The following EPG5 variants were observed in gnomAD, a reference collection of about 807,000 sequenced individuals.
EPG5 encodes ectopic P-granules 5 autophagy tethering factor, also known as ectopic P granules protein 5 homolog.
A neutral mutation model predicts 302.7 loss-of-function variants in EPG5; 159 were observed. The ratio of observed to expected loss-of-function variants is 0.53; its 90% CI spans 0.46 to 0.60. The LOEUF is 0.60. EPG5 is among the 20% of genes least tolerant of loss of function. EPG5 has a pLI of 0.00. For synonymous variants in EPG5, 1,158 were observed against 1,136.8 expected (o/e 1.02, Z -0.37); for missense variants, 2,896 against 3,092.4 (o/e 0.94, Z 1.51).
the EPG5 span, among the ~76,000 whole-genome samples, chr18:45,836,356 A>G: frequency 1.3e-5 from 2 of 152,148 alleles, no homozygotes; most frequent in South Asian, 4.1e-4. Context: ...TGGAACTACA[A>G]GAGCTGCCGT....
chr18:45,940,250 G>T (rs1371647196), intron 9 of EPG5, among the ~76,000 whole-genome samples: 1 of 152,244 alleles, frequency 6.6e-6, no homozygotes, highest in African/African-American at 2.4e-5. Flanking sequence ...AGGCCAATGT[G>T]CTGAGAGGTA....
At chr18:45,870,844 T>C in intron 35 of EPG5, 102 bp from the exon 36 acceptor site, 5 of 977,902 alleles carry the variant, frequency 5.1e-6, no homozygotes, top group Admixed American at 2.9e-5. Context: ...AAGGTTCTCA[T>C]GATTGACCCA....
chr18:45,954,129 A>C (rs1294047640), intron 2 of EPG5: 1 of 182,686 alleles, frequency 5.5e-6, no homozygotes, highest in Non-Finnish European at 1.0e-5. Flanking sequence ...ACAACCTCAC[A>C]GCAACCATCA....
chr18:45,857,154 G>A (rs951866010), intron 42 of EPG5, among the ~76,000 whole-genome samples: 4 of 151,910 alleles, frequency 2.6e-5, no homozygotes, highest in Non-Finnish European at 4.4e-5. Context: ...CTGTCACCTA[G>A]GCTGGAGTGC....
rs2050935154 is a variant in EPG5, at chr18:45,952,542, G to A, written c.1110C>T (p.Ala370=). 1 of 1,614,100 alleles carries A rather than the reference G, an allele frequency of 6.2e-7. No individual in the cohort carries two copies. Among genetic ancestry groups the A allele is most frequent in the Admixed American group, 1.7e-5 (1 of 60,012 alleles). Reference sequence around the variant, plus strand: ...GGGTCTGGTGGAGGTGCTCAGATTTGGCATCGAATAGCTTCTTTAGCTCCA... The same window carrying A: ...GGGTCTGGTGGAGGTGCTCAGATTTAGCATCGAATAGCTTCTTTAGCTCCA... The part of the protein sequence containing the change: ...ALVELKKLFD[A]KSEHLHQTLA... The change falls in exon 3 of 44, where the codon GCC becomes GCT. Residue 370 remains alanine, a synonymous_variant. Transcript: ENST00000282041.
At chr18:45,863,219 G>A (rs944382908) in intron 39 of EPG5, among the ~76,000 whole-genome samples, 5 of 152,114 alleles carry the variant, frequency 3.3e-5, no homozygotes, top group African/African-American at 1.2e-4. Flanking sequence ...CTTAAAGCTA[G>A]ATGTTTTTGG....
intron 29 of EPG5, among the ~76,000 whole-genome samples, chr18:45,886,618 T>G (rs536558100): frequency 7.9e-5 from 12 of 152,236 alleles, no homozygotes; most frequent in Non-Finnish European, 1.8e-4. Flanking sequence ...AGTTTTCTTC[T>G]TCATACTTTC....
the EPG5 span, among the ~76,000 whole-genome samples, chr18:45,810,553 G>A: frequency 1.6e-4 from 25 of 152,308 alleles, no homozygotes; most frequent in African/African-American, 5.5e-4. Context: ...CCAGCACTTT[G>A]GGAGACCCAG....
In EPG5 at chr18:45,887,964, G is replaced by A. The variant is rs764382819; in HGVS notation, c.4953-57C>T. ...ACAGTAAAAGATTCCATACTCACAA[G>A]GCCTTCTTTGATACCCTACAATTTC... On this transcript the variant is annotated intron_variant, in intron 28 of 43. Transcript: ENST00000282041. The A allele has an allele frequency of 3.2e-4, 421 of 1,308,040 alleles. 4 individuals are homozygous for A. The Middle Eastern group carries it at 0.022, about 68-fold the overall frequency. The allele number at this position is 1,308,040 out of a possible 1,614,324, so 81.0% of individuals were successfully genotyped here. A position where few individuals can be genotyped will look rare whatever the true frequency, so the allele number is the denominator to read the frequency against.
downstream of EPG5, chr18:45,844,101 C>T (rs1385856127): frequency 6.6e-6 from 1 of 151,714 alleles, no homozygotes; most frequent in African/African-American, 2.4e-5. Context: ...AAAATGAAAT[C>T]CTGTCGCTTG....
intron 16 of EPG5, among the ~76,000 whole-genome samples, chr18:45,919,632 C>G (rs1176992828): frequency 6.6e-6 from 1 of 152,054 alleles, no homozygotes; most frequent in East Asian, 1.9e-4. Context: ...CCTGCCTCAG[C>G]CTCCCGAGTA....
chr18:45,967,208 G>C lies in EPG5; in HGVS notation c.32C>G (p.Ala11Gly). The C allele has an allele frequency of 6.2e-7, 1 of 1,605,754 alleles. No individual in the cohort carries two copies. Among genetic ancestry groups the C allele is most frequent in the African/African-American group, 1.3e-5 (1 of 74,836 alleles). Residue 11 changes from alanine (A) to glycine (G), a missense_variant, in exon 1 of 44, where the codon GCC becomes GGC. Coordinates refer to ENST00000282041, the MANE Select transcript of EPG5 (RefSeq NM_020964.3). ...TTTAGTCCGGCTGGCCTTGGCCTTG[G>C]CCCGGCGCTGGGGCTTCACCGCCTC... is the stretch of plus-strand genomic sequence containing the variant. MAEAVKPQRR[A>G]KAKASRTKTK...
intron 29 of EPG5, among the ~76,000 whole-genome samples, chr18:45,885,334 G>T (rs1003468744): frequency 6.6e-6 from 1 of 151,866 alleles, no homozygotes; most frequent in Admixed American, 6.6e-5. Flanking sequence ...GCAAGATGCC[G>T]TCTCAATAAA....
intron 27 of EPG5, among the ~76,000 whole-genome samples, chr18:45,897,900 C>T (rs1267928091): frequency 1.3e-5 from 2 of 152,046 alleles, no homozygotes; most frequent in Non-Finnish European, 2.9e-5. Flanking sequence ...GAAAGACAAA[C>T]AAGAGGGAGT....
chr18:45,869,576 C>T (rs1048461581), intron 36 of EPG5, among the ~76,000 whole-genome samples: 2 of 152,140 alleles, frequency 1.3e-5, no homozygotes, highest in South Asian at 4.1e-4. Context: ...CTTTAAACCA[C>T]CTTTCTCTAG....
In EPG5 at chr18:45,852,651, TAA is replaced by T. The variant is rs1479207656; in HGVS notation, c.7558-4_7558-3del. 1 of 1,613,540 alleles carries T rather than the reference TAA, an allele frequency of 6.2e-7. No homozygotes were observed. The highest frequency in any genetic ancestry group is 8.5e-7 in the Non-Finnish European group (1 of 1,179,722). ...CATGGATTCAAGAGCATTCAGAGCC[TAA>T]AAGACACGGAAGATGAGAGGGTTAA... On this transcript the variant is annotated splice_region_variant and splice_polypyrimidine_tract_variant and intron_variant, in intron 43 of 43. Transcript: ENST00000282041.
chr18:45,959,874 G>C (rs1003401940), intron 1 of EPG5, among the ~76,000 whole-genome samples: 2 of 152,108 alleles, frequency 1.3e-5, no homozygotes, highest in African/African-American at 4.8e-5. Context: ...AGCTACTTGG[G>C]AAGCTGAAGC....
At chr18:45,821,802 G>A in the EPG5 span, among the ~76,000 whole-genome samples, 3 of 152,156 alleles carry the variant, frequency 2.0e-5, no homozygotes, top group Admixed American at 6.5e-5. Flanking sequence ...CAAATGATCT[G>A]AACAGATATT....
At chr18:45,929,631 T>C (rs145895180) in intron 12 of EPG5, among the ~76,000 whole-genome samples, 1 of 152,244 alleles carries the variant, frequency 6.6e-6, no homozygotes, top group Non-Finnish European at 1.5e-5. Context: ...GTAATTTTTA[T>C]TGTGACTCCT....
Sources: allele counts gnomAD v4.1 joint callset (sites outside exome capture counted in the v4.1 genomes callset), GRCh38; gene constraint gnomAD v4.1.1; transcripts MANE v1.5; gene names NCBI Gene and HGNC (gene_info 2026-07-23, HGNC 2026-07-21).